The following LEMD1 variants were observed in gnomAD, a reference collection of about 807,000 sequenced individuals.
LEMD1 encodes the protein LEM domain containing 1.
LEMD1 carries 18 observed loss-of-function variants against 17.4 expected under a neutral mutation model. The observed-to-expected ratio is 1.04, with a 90% CI of 0.72 to 1.54. The LOEUF is 1.54. Ranked by LOEUF, LEMD1 falls within the 40% of genes most tolerant of loss-of-function variation. The pLI, the probability that LEMD1 is intolerant of heterozygous loss-of-function variation, is 0.00. For missense variants in LEMD1, 195 were observed against 210.4 expected, an observed-to-expected ratio of 0.93 and a Z score of 0.45; for synonymous variants, 88 against 77.8, an observed-to-expected ratio of 1.13 and a Z score of -0.69.
intron 4 of LEMD1, among the ~76,000 whole-genome samples, chr1:205,403,828 T>C (rs971128296): frequency 5.3e-5 from 8 of 152,276 alleles, no homozygotes; most frequent in Admixed American, 3.9e-4. Context: ...TGCTTTCTCT[T>C]GTGGGCATTT....
chr1:205,427,238 T>C (rs1666069346), intron 1 of LEMD1, among the ~76,000 whole-genome samples: 1 of 151,906 alleles, frequency 6.6e-6, no homozygotes, highest in Non-Finnish European at 1.5e-5. Context: ...AAAAACACTG[T>C]TTTCTTTAAG....
At chr1:205,394,966 G>T (rs2102366563) in intron 4 of LEMD1, among the ~76,000 whole-genome samples, 1 of 150,740 alleles carries the variant, frequency 6.6e-6, no homozygotes, top group African/African-American at 2.4e-5. Context: ...CAGCCTGGGT[G>T]ACACAGTGAG....
chr1:205,382,103 G>A (rs944620455), intron 5 of LEMD1: 11 of 497,702 alleles, frequency 2.2e-5, no homozygotes, highest in African/African-American at 5.8e-5. Flanking sequence ...CTGGGCTCAA[G>A]ACATCCTCCC....
chr1:205,414,151 G>A (rs964357596), intron 4 of LEMD1, among the ~76,000 whole-genome samples: 1 of 152,154 alleles, frequency 6.6e-6, no homozygotes, highest in African/African-American at 2.4e-5. Context: ...GACTCATGGT[G>A]TATAGCAAGT....
intron 1 of LEMD1, chr1:205,440,987 C>T (rs996585364): frequency 6.6e-6 from 1 of 152,416 alleles, no homozygotes; most frequent in Admixed American, 6.5e-5. Context: ...TTGCAGAAGC[C>T]GTGGAGACCA....
At chr1:205,438,642 A>G (rs545237337) in intron 1 of LEMD1, among the ~76,000 whole-genome samples, 2 of 152,338 alleles carry the variant, frequency 1.3e-5, no homozygotes, top group East Asian at 3.9e-4. Context: ...CCTCCTGCTC[A>G]GACAATTCCA....
intron 1 of LEMD1, among the ~76,000 whole-genome samples, chr1:205,433,134 G>A (rs1250215683): frequency 6.6e-6 from 1 of 152,180 alleles, no homozygotes; most frequent in Non-Finnish European, 1.5e-5. Flanking sequence ...CTTTAGCTGA[G>A]GCATTTTTGA....
At chr1:205,397,806 T>C (rs942279661) in intron 4 of LEMD1, among the ~76,000 whole-genome samples, 3 of 152,198 alleles carry the variant, frequency 2.0e-5, no homozygotes, top group African/African-American at 7.2e-5. Context: ...AATATTGGTG[T>C]ATTCTTAGAT....
chr1:205,422,627 G>T (rs1356454978), upstream of LEMD1, among the ~76,000 whole-genome samples: 2 of 97,940 alleles, frequency 2.0e-5, no homozygotes, highest in Non-Finnish European at 5.3e-5. Context: ...CATCGCAAAA[G>T]CCTACTTCTT....
chr1:205,444,731 G>T (rs935666791), intron 1 of LEMD1, among the ~76,000 whole-genome samples: 2 of 152,128 alleles, frequency 1.3e-5, no homozygotes, highest in Non-Finnish European at 2.9e-5. Context: ...GCGGCAGCGG[G>T]GGTGGAAGGC....
At chr1:205,432,695 A>G (rs565519312) in intron 1 of LEMD1, among the ~76,000 whole-genome samples, 8 of 152,348 alleles carry the variant, frequency 5.3e-5, no homozygotes, top group African/African-American at 1.9e-4. Context: ...GCTGGCAAAG[A>G]AGAGAGGAGG....
intron 1 of LEMD1, among the ~76,000 whole-genome samples, chr1:205,446,942 G>C (rs893616701): frequency 1.3e-5 from 2 of 152,200 alleles, no homozygotes; most frequent in Non-Finnish European, 1.5e-5. Flanking sequence ...CGCTCCCCCC[G>C]ACCTCCTGTG....
chr1:205,438,335 G>A (rs1180588599), intron 1 of LEMD1, among the ~76,000 whole-genome samples: 6 of 152,248 alleles, frequency 3.9e-5, no homozygotes, highest in Admixed American at 2.0e-4. Flanking sequence ...CCCACCTCAA[G>A]GTGGAGTCTC....
At chr1:205,394,226 C>T (rs1252680566) in intron 4 of LEMD1, among the ~76,000 whole-genome samples, 2 of 151,606 alleles carry the variant, frequency 1.3e-5, no homozygotes, top group Non-Finnish European at 2.9e-5. Context: ...GGGGGTAGAG[C>T]GACTGGCGGG....
intron 4 of LEMD1, among the ~76,000 whole-genome samples, chr1:205,391,242 A>G (rs1342292967): frequency 6.6e-6 from 1 of 152,150 alleles, no homozygotes; most frequent in Non-Finnish European, 1.5e-5. Context: ...AAGTACAGCC[A>G]ATCCCCCTGG....
chr1:205,418,915 C>T (rs1270893428), intron 3 of LEMD1, among the ~76,000 whole-genome samples: 2 of 152,172 alleles, frequency 1.3e-5, no homozygotes, highest in East Asian at 3.9e-4. Flanking sequence ...TCAAAGGAGG[C>T]CCAGAATTTA....
rs1373164910 is a variant in LEMD1 at position 205,435,395 on chromosome 1, A to C, written c.-39+14473T>G. 6 of 152,362 alleles carry C rather than the reference A, an allele frequency of 3.9e-5. No individual in the cohort carries two copies. The East Asian group carries it at 1.2e-3, about 29-fold the overall frequency. 9.4% of individuals were successfully genotyped at this position (152,362 alleles called of 1,614,324 possible). A position where few individuals can be genotyped will look rare whatever the true frequency, so the allele number is the denominator to read the frequency against. ...AATCCTTTCATTAGACCCTGTCTTC[A>C]AGAGCCTGGATTGAAATGTGGCCAT... On this transcript the variant is annotated intron_variant, in intron 1 of 3. Transcript: ENST00000367154.
intron 1 of LEMD1, among the ~76,000 whole-genome samples, chr1:205,442,148 C>CGTGGAGGTCAG (rs1666305692): frequency 6.6e-6 from 1 of 152,158 alleles, no homozygotes; most frequent in South Asian, 2.1e-4. Context: ...AAGCGCCCTG[C>CGTGGAGGTCAG]GTGGAGGTCA....
chr1:205,404,560 C>T (rs553339427), intron 4 of LEMD1, among the ~76,000 whole-genome samples: 14 of 152,206 alleles, frequency 9.2e-5, no homozygotes, highest in African/African-American at 2.6e-4. Flanking sequence ...CTTGGTAGAT[C>T]TTCCTCCATC....
Sources: gnomAD v4.1 joint callset for allele counts (sites outside exome capture counted in the v4.1 genomes callset) on GRCh38, gnomAD v4.1.1 for gene constraint, MANE v1.5 for transcripts, NCBI Gene and HGNC (gene_info 2026-07-23, HGNC 2026-07-21) for gene names.